Variants in TRPC1 observed in about 807,000 individuals in gnomAD.
TRPC1 encodes transient receptor potential cation channel subfamily C member 1, also known as short transient receptor potential channel 1.
In TRPC1, 42 loss-of-function variants were observed where a neutral mutation model predicts 88.2. The observed-to-expected ratio is 0.48, with a 90% CI of 0.37 to 0.62. The LOEUF (loss-of-function observed/expected upper bound fraction) is 0.62. Among genes scored for constraint, TRPC1 ranks in the 20% least tolerant of loss-of-function variants. TRPC1 has a pLI of 0.00. For synonymous variants in TRPC1, 288 were observed against 331.8 expected, an observed-to-expected ratio of 0.87 and a Z score of 1.43; for missense variants, 699 against 957.3, an observed-to-expected ratio of 0.73 and a Z score of 3.56.
rs543104293 is a variant in TRPC1, at chr3:142,724,893, C to A, written c.172+162C>A. Among the ~76,000 whole-genome samples, 1 of 152,334 alleles carries A rather than the reference C, an allele frequency of 6.6e-6. No individual in the cohort carries two copies. Among genetic ancestry groups the A allele is most frequent in the African/African-American group, 2.4e-5 (1 of 41,576 alleles). On this transcript the variant is annotated intron_variant, in intron 1 of 12. Transcript: ENST00000476941. This position sits in a 1 kb window ranked among gnomAD's most constrained non-coding sequence, Gnocchi z 5.6. ...GCGGTCTTCTCCTCACCGCCTCTGC[C>A]CTGTGAGTGTGGAGCTGGCGGGAGA...
At chr3:142,790,985 A>C (rs1416335597) in intron 7 of TRPC1, 34 bp from the exon 8 acceptor site, 1 of 1,503,924 alleles carries the variant, frequency 6.6e-7, no homozygotes, top group East Asian at 2.4e-5. Context: ...TGAATTAAGA[A>C]AGTGTTATCT....
At chr3:142,805,967 T>A (rs773503801) in intron 12 of TRPC1, 41 bp from the exon 13 acceptor site, 1 of 1,551,924 alleles carries the variant, frequency 6.4e-7, no homozygotes, top group Non-Finnish European at 8.8e-7. Context: ...CATTTAAATA[T>A]CGTTTCTGCA....
At chr3:142,768,279 A>T (rs759738358) in intron 4 of TRPC1, among the ~76,000 whole-genome samples, 1 of 152,026 alleles carries the variant, frequency 6.6e-6, no homozygotes, top group Non-Finnish European at 1.5e-5. Context: ...GAGTATTAAG[A>T]TTTCTAACAA....
At chr3:142,755,106 G>A (rs1002466023) in intron 4 of TRPC1, among the ~76,000 whole-genome samples, 6 of 152,074 alleles carry the variant, frequency 3.9e-5, no homozygotes, top group African/African-American at 1.5e-4. Flanking sequence ...GTTCCTTAAT[G>A]GTTAACATTA....
intron 5 of TRPC1, 34 bp from the exon 6 acceptor site, chr3:142,780,797 AACG>A (rs749072005): frequency 1.3e-5 from 20 of 1,541,968 alleles, no homozygotes; most frequent in Non-Finnish European, 1.7e-5. Flanking sequence ...AGAAGATGGA[AACG>A]ACGTTTCTGA....
At chr3:142,794,733 G>T (rs1936401509) in intron 9 of TRPC1, among the ~76,000 whole-genome samples, 1 of 152,070 alleles carries the variant, frequency 6.6e-6, no homozygotes, top group Non-Finnish European at 1.5e-5. Flanking sequence ...CCTCGGGCAG[G>T]GAAAGAACCA....
intron 4 of TRPC1, among the ~76,000 whole-genome samples, chr3:142,771,029 T>A (rs892528178): frequency 1.3e-5 from 2 of 151,996 alleles, no homozygotes; most frequent in Non-Finnish European, 1.5e-5. Flanking sequence ...AGAGAGAAGG[T>A]GGTGCCAGGT....
At chr3:142,729,692 G>A (rs530911667) in intron 1 of TRPC1, among the ~76,000 whole-genome samples, 6 of 152,208 alleles carry the variant, frequency 3.9e-5, no homozygotes, top group African/African-American at 1.2e-4. Flanking sequence ...CTACCTTGCT[G>A]CCAGTGCTCT....
At chr3:142,754,420 A>G (rs1444923825) in intron 4 of TRPC1, among the ~76,000 whole-genome samples, 1 of 152,168 alleles carries the variant, frequency 6.6e-6, no homozygotes, top group African/African-American at 2.4e-5. Flanking sequence ...ATAAAGTATA[A>G]TAAAAAAAAT....
At chr3:142,726,362 AAAAG>A (rs143811502) in intron 1 of TRPC1, among the ~76,000 whole-genome samples, 322 of 152,338 alleles carry the variant, frequency 2.1e-3, no homozygotes, top group African/African-American at 7.4e-3. Flanking sequence ...TATCTCAAAC[AAAAG>A]AGAGTTTTAA....
chr3:142,742,555 A>G (rs1375661484), intron 2 of TRPC1, among the ~76,000 whole-genome samples: 15 of 152,218 alleles, frequency 9.9e-5, no homozygotes, highest in Non-Finnish European at 2.2e-4. Context: ...CTTTTCAGCT[A>G]CAAAGAATAT....
At chr3:142,784,567 G>A (rs538621103) in intron 6 of TRPC1, 137 bp from the exon 7 acceptor site, 10 of 728,112 alleles carry the variant, frequency 1.4e-5, no homozygotes, top group South Asian at 1.3e-4. Context: ...TAGAAAAAGG[G>A]AAAAAACAAA....
In TRPC1 at chr3:142,791,173, T is replaced by G; in HGVS notation, c.1437+15T>G. ...CTCACAACAAGGTGACTATTTACTA[T>G]GTCAATTGAAGGCACAAATTAAGTT... On this transcript the variant is annotated intron_variant, in intron 8 of 12. Transcript: ENST00000476941. The G allele has an allele frequency of 6.3e-7, 1 of 1,586,790 alleles. No homozygotes were observed. The highest frequency in any genetic ancestry group is 8.5e-7 in the Non-Finnish European group (1 of 1,169,930).
chr3:142,787,093 A>G (rs1253873311), intron 7 of TRPC1, among the ~76,000 whole-genome samples: 2 of 152,190 alleles, frequency 1.3e-5, no homozygotes, highest in Non-Finnish European at 2.9e-5. Context: ...TACACACATA[A>G]TATGATTAAT....
chr3:142,775,871 C>T (rs912964719), intron 4 of TRPC1, among the ~76,000 whole-genome samples: 2 of 152,222 alleles, frequency 1.3e-5, no homozygotes, highest in African/African-American at 4.8e-5. Context: ...TAGTAATACC[C>T]AGTATTAATG....
chr3:142,773,517 C>T (rs958654443), intron 4 of TRPC1, among the ~76,000 whole-genome samples: 2 of 150,572 alleles, frequency 1.3e-5, no homozygotes, highest in Non-Finnish European at 2.9e-5. Flanking sequence ...AAAAGGAATA[C>T]AGGCCGGATG....
At chr3:142,791,240 G>A (rs1256922186) in intron 8 of TRPC1, 82 bp downstream of exon 8, 1 of 1,257,740 alleles carries the variant, frequency 8.0e-7, no homozygotes, top group Non-Finnish European at 1.1e-6. Flanking sequence ...GTAACTCAGA[G>A]TTACATTGAG....
At chr3:142,769,240 T>C (rs1935496480) in intron 4 of TRPC1, among the ~76,000 whole-genome samples, 2 of 152,168 alleles carry the variant, frequency 1.3e-5, no homozygotes, top group African/African-American at 4.8e-5. Context: ...ATCACCACAG[T>C]CAATTTTAAA....
chr3:142,802,631 T>C (rs555050082), intron 10 of TRPC1, among the ~76,000 whole-genome samples: 1 of 152,178 alleles, frequency 6.6e-6, no homozygotes, highest in East Asian at 1.9e-4. Flanking sequence ...AGCAATTCTT[T>C]GTCATTCCTA....
Sources: allele counts gnomAD v4.1 joint callset (sites outside exome capture counted in the v4.1 genomes callset), GRCh38; gene constraint gnomAD v4.1.1; non-coding constraint Gnocchi (gnomAD v3.1); transcripts MANE v1.5; gene names NCBI Gene and HGNC (gene_info 2026-07-23, HGNC 2026-07-21).